SPTY2D1: variants seen among roughly 807,000 people sequenced by gnomAD.
SPTY2D1 encodes protein SPT2 homolog.
In SPTY2D1, 21 loss-of-function variants were observed where a neutral mutation model predicts 64.0. The observed-to-expected ratio is 0.33, with a 90% CI of 0.23 to 0.47. The LOEUF is 0.47. SPTY2D1 is among the 20% of genes least tolerant of loss of function. SPTY2D1 has a pLI of 1.00. For missense variants in SPTY2D1, 724 were observed against 837.2 expected, an observed-to-expected ratio of 0.86 and a Z score of 1.67; for synonymous variants, 287 against 286.8, an observed-to-expected ratio of 1.00 and a Z score of -0.01.
intron 1 of SPTY2D1, 29 bp downstream of exon 1, chr11:18,634,169 C>T: frequency 6.2e-7 from 1 of 1,613,654 alleles, no homozygotes; most frequent in South Asian, 1.1e-5. Context: ...ACTAGGGTCC[C>T]CTACATTGAT....
At chr11:18,625,927 T>C (rs931518534) in intron 1 of SPTY2D1, among the ~76,000 whole-genome samples, 3 of 151,680 alleles carry the variant, frequency 2.0e-5, no homozygotes, top group Non-Finnish European at 4.4e-5. Flanking sequence ...GCAATTCTCC[T>C]GCCTCAGCCT....
At chr11:18,623,067 CAT>C (rs1051857134) in intron 1 of SPTY2D1, among the ~76,000 whole-genome samples, 48 of 152,262 alleles carry the variant, frequency 3.2e-4, no homozygotes, top group African/African-American at 1.2e-3. Flanking sequence ...TTACTGATAA[CAT>C]AGTCAATTAA....
chr11:18,618,584 C>T (rs1160933611), intron 1 of SPTY2D1, among the ~76,000 whole-genome samples: 1 of 152,120 alleles, frequency 6.6e-6, no homozygotes, highest in East Asian at 1.9e-4. Context: ...AAGTATCCTC[C>T]TTTTTTTGTT....
Position 18,612,129 on chromosome 11 carries a change from CTA to C in SPTY2D1, c.1886+183_1886+184del. 1 of 425,428 alleles carries C rather than the reference CTA, an allele frequency of 2.4e-6. No individual in the cohort carries two copies. Among genetic ancestry groups the C allele is most frequent in the Non-Finnish European group, 4.1e-6 (1 of 246,842 alleles). 26.4% of individuals were successfully genotyped at this position (425,428 alleles called of 1,614,324 possible). A position where few individuals can be genotyped will look rare whatever the true frequency, so the allele number is the denominator to read the frequency against. On this transcript the variant is annotated intron_variant, in intron 4 of 5. Transcript: ENST00000336349. The surrounding 1 kb of genome is among the most constrained non-coding windows in gnomAD (Gnocchi z 4.6). ...TTCCTCATGCAAATAACTACAGAAA[CTA>C]TTTTGAATTAAATATAAAATATTTA...
rs766639365 is a variant in SPTY2D1, at chr11:18,608,910, A to G, written c.*951T>C. ...GCCATTAATATTTGCTAACAAATTCAAGCTAAAAAATGAAGTCATTAATGT... is the reference window on the plus strand; with the variant it reads ...GCCATTAATATTTGCTAACAAATTCGAGCTAAAAAATGAAGTCATTAATGT... On this transcript the variant is annotated 3_prime_UTR_variant, in exon 6 of 6. Coordinates refer to ENST00000336349, the MANE Select transcript of SPTY2D1 (RefSeq NM_194285.3). The G allele has an allele frequency of 5.3e-5, 8 of 151,162 alleles. No homozygotes were observed. Among genetic ancestry groups the G allele is most frequent in the Non-Finnish European group, 8.9e-5 (6 of 67,138 alleles). The allele number at this position is 151,162 out of a possible 1,614,324, so 9.4% of individuals were successfully genotyped here.
At chr11:18,621,245 G>T (rs906007950) in intron 1 of SPTY2D1, among the ~76,000 whole-genome samples, 1 of 151,822 alleles carries the variant, frequency 6.6e-6, no homozygotes, top group Non-Finnish European at 1.5e-5. Context: ...GCAGTGAGCC[G>T]AGATCGCACC....
intron 1 of SPTY2D1, among the ~76,000 whole-genome samples, chr11:18,622,087 A>G (rs1854415175): frequency 1.0e-5 from 1 of 97,060 alleles, no homozygotes; most frequent in Non-Finnish European, 2.0e-5. Flanking sequence ...ACCCTATCTC[A>G]AAAAAAAAAA....
At chr11:18,631,615 A>C (rs1415951190) in intron 1 of SPTY2D1, among the ~76,000 whole-genome samples, 5 of 151,500 alleles carry the variant, frequency 3.3e-5, no homozygotes, top group Non-Finnish European at 7.4e-5. Flanking sequence ...AAAAAAAAAA[A>C]AAACCACCAA....
At position 18,612,230 on chromosome 11, in the gene SPTY2D1, CACT is replaced by C; in HGVS notation, c.1886+81_1886+83del. 9.1e-7 allele frequency: 1 copy of C among 1,095,720 alleles called. No individual in the cohort carries two copies. Among genetic ancestry groups the C allele is most frequent in the Non-Finnish European group, 1.3e-6 (1 of 784,172 alleles). The allele number at this position is 1,095,720 out of a possible 1,614,324, so 67.9% of individuals were successfully genotyped here. A position where few individuals can be genotyped will look rare whatever the true frequency, so the allele number is the denominator to read the frequency against. On this transcript the variant is annotated intron_variant, in intron 4 of 5. Transcript: ENST00000336349. The surrounding 1 kb of genome is among the most constrained non-coding windows in gnomAD (Gnocchi z 4.6). ...AATTAAGAATTGTATTCAGTGCCTC[CACT>C]ATTAGTTTATTACCCCATGACATGA...
At chr11:18,622,086 C>CAAAAAAAAAA (rs747593791) in intron 1 of SPTY2D1, among the ~76,000 whole-genome samples, 228 of 11,806 alleles carry the variant, frequency 0.019, 38 homozygotes, top group African/African-American at 0.038. Context: ...GACCCTATCT[C>CAAAAAAAAAA]AAAAAAAAAA....
At chr11:18,627,898 A>C (rs1035123199) in intron 1 of SPTY2D1, among the ~76,000 whole-genome samples, 1 of 151,910 alleles carries the variant, frequency 6.6e-6, no homozygotes, top group Non-Finnish European at 1.5e-5. Flanking sequence ...AAATACAAAA[A>C]TTAGCTGGGC....
rs1334220043 is a variant in SPTY2D1, at chr11:18,614,919, G to A, written c.1355C>T (p.Ser452Leu). 1.9e-6 allele frequency: 3 copies of A among 1,613,692 alleles called. No individual in the cohort carries two copies. The highest frequency in any genetic ancestry group is 2.5e-6 in the Non-Finnish European group (3 of 1,179,672). Reference sequence around the variant, plus strand: ...GCCCAAGGGTCTTGCAGAACTAACTGAACCACTGATGGGTCGCCCAGGGCC... The same window carrying A: ...GCCCAAGGGTCTTGCAGAACTAACTAAACCACTGATGGGTCGCCCAGGGCC... ...SGGPGRPISGSVSSARPLGSS... is the reference protein window; with the variant it reads ...SGGPGRPISGLVSSARPLGSS... Residue 452 changes from serine to leucine, a missense_variant, in exon 3 of 6, where the codon TCA becomes TTA. Physicochemically the swap from Ser to Leu is moderately radical, Grantham distance 145. Coordinates refer to ENST00000336349, the MANE Select transcript of SPTY2D1 (RefSeq NM_194285.3).
At chr11:18,611,319 T>C (rs1854202841) in intron 5 of SPTY2D1, among the ~76,000 whole-genome samples, 158 bp downstream of exon 5, 1 of 152,096 alleles carries the variant, frequency 6.6e-6, no homozygotes, top group Non-Finnish European at 1.5e-5. Flanking sequence ...AAAACAGAAC[T>C]GTTAAGGAAT....
intron 3 of SPTY2D1, among the ~76,000 whole-genome samples, chr11:18,614,227 A>G (rs1248116185): frequency 6.6e-6 from 1 of 152,190 alleles, no homozygotes; most frequent in African/African-American, 2.4e-5. Flanking sequence ...GTTAGAAACT[A>G]GTATAGGCAA....
intron 1 of SPTY2D1, among the ~76,000 whole-genome samples, chr11:18,627,333 A>G (rs1295442359): frequency 6.7e-6 from 1 of 149,800 alleles, no homozygotes; most frequent in Non-Finnish European, 1.5e-5. Flanking sequence ...TGGAAGGCTG[A>G]GGCAAAAGAA....
At chr11:18,621,585 C>T (rs1233287773) in intron 1 of SPTY2D1, among the ~76,000 whole-genome samples, 1 of 152,150 alleles carries the variant, frequency 6.6e-6, no homozygotes, top group East Asian at 1.9e-4. Flanking sequence ...GCTGGTCTCA[C>T]ATTTAACCCA....
chr11:18,629,028 C>A (rs1442112359), intron 1 of SPTY2D1, among the ~76,000 whole-genome samples: 1 of 152,162 alleles, frequency 6.6e-6, no homozygotes, highest in Admixed American at 6.5e-5. Flanking sequence ...CCTTAAGGGG[C>A]TATAGGCAGA....
At chr11:18,619,202 A>C (rs892282912) in intron 1 of SPTY2D1, among the ~76,000 whole-genome samples, 2 of 152,244 alleles carry the variant, frequency 1.3e-5, no homozygotes, top group Non-Finnish European at 2.9e-5. Context: ...TGGAAAGGGC[A>C]CCATGAATAT....
At position 18,634,220 on chromosome 11, in the gene SPTY2D1, C is replaced by A. The variant is rs1323762803; in HGVS notation, c.38G>T (p.Gly13Val). The change falls in exon 1 of 6, where the codon GGA (glycine) becomes GTA (valine). Residue 13 changes from glycine to valine, a missense_variant. Around this residue, in one of 3 missense-constraint regions of SPTY2D1, gnomAD observed 179 missense variants for 232.5 expected, o/e 0.77. Transcript: ENST00000336349. ...TACCGGCACATTGTTGACACCTTGT[C>A]CCTTGGAAGCTATCATGAGAATTTC... The part of the protein sequence containing the change: ...FREILMIASK[G>V]QGVNNVPKRY... The A allele has an allele frequency of 6.2e-7, 1 of 1,614,214 alleles. No individual in the cohort carries two copies. The highest frequency in any genetic ancestry group is 8.5e-7 in the Non-Finnish European group (1 of 1,180,050).
Sources: gnomAD v4.1 joint callset for allele counts (sites outside exome capture counted in the v4.1 genomes callset) on GRCh38, gnomAD v4.1.1 for gene constraint, gnomAD v4.1.1 regional missense constraint, Gnocchi (gnomAD v3.1) non-coding constraint, MANE v1.5 for transcripts, NCBI Gene and HGNC (gene_info 2026-07-23, HGNC 2026-07-21) for gene names.